Variants in CNTN5 observed in about 807,000 individuals in gnomAD.
The protein encoded by CNTN5 is contactin 5.
In CNTN5, 77 loss-of-function variants were observed where a neutral mutation model predicts 129.1. The ratio of observed to expected loss-of-function variants is 0.60; its 90% CI spans 0.50 to 0.72. The LOEUF (loss-of-function observed/expected upper bound fraction) is 0.72. CNTN5 is among the 30% of genes least tolerant of loss of function. The pLI is 0.00. For missense variants in CNTN5, 1,478 were observed against 1,328.8 expected (o/e 1.11, Z -1.75); for synonymous variants, 509 against 465.6 (o/e 1.09, Z -1.20).
chr11:99,442,555 T>C (rs574997939), intron 2 of CNTN5, among the ~76,000 whole-genome samples: 1 of 152,340 alleles, frequency 6.6e-6, no homozygotes, highest in African/African-American at 2.4e-5. Flanking sequence ...CTAGTGTTTT[T>C]CTATCAGCGT....
chr11:99,132,265 G>A (rs1271064481), intron 1 of CNTN5, among the ~76,000 whole-genome samples: 1 of 150,804 alleles, frequency 6.6e-6, no homozygotes, highest in African/African-American at 2.4e-5. Context: ...CTCAAAACAA[G>A]AGCCATTTAT....
chr11:99,045,330 G>A (rs1591098698), intron 1 of CNTN5, among the ~76,000 whole-genome samples: 1 of 152,150 alleles, frequency 6.6e-6, no homozygotes, highest in African/African-American at 2.4e-5. Context: ...TTGACTGCAT[G>A]CCTGATAGCA....
At chr11:99,766,905 T>G (rs1944775442) in intron 3 of CNTN5, among the ~76,000 whole-genome samples, 2 of 152,236 alleles carry the variant, frequency 1.3e-5, no homozygotes, top group South Asian at 4.1e-4. Flanking sequence ...GATATCAGCT[T>G]TAAAAAAGAC....
At chr11:99,661,339 A>G (rs1442719358) in intron 3 of CNTN5, among the ~76,000 whole-genome samples, 1 of 152,190 alleles carries the variant, frequency 6.6e-6, no homozygotes, top group Non-Finnish European at 1.5e-5. Context: ...TAAAATAAGA[A>G]CTTAGCGAAG....
chr11:99,835,453 G>A (rs1431484247), intron 4 of CNTN5, among the ~76,000 whole-genome samples: 4 of 152,068 alleles, frequency 2.6e-5, no homozygotes, highest in African/African-American at 9.7e-5. Context: ...AGGCAATAGG[G>A]AAAAGGCAAA....
intron 13 of CNTN5, among the ~76,000 whole-genome samples, chr11:100,104,810 T>G (rs1945362541): frequency 1.3e-5 from 2 of 152,302 alleles, no homozygotes; most frequent in East Asian, 3.9e-4. Context: ...CTTACTGTAC[T>G]ATTCCCTTTT....
intron 15 of CNTN5, among the ~76,000 whole-genome samples, chr11:100,222,377 T>A (rs1300788157): frequency 1.3e-5 from 2 of 152,170 alleles, no homozygotes; most frequent in African/African-American, 4.8e-5. Flanking sequence ...TTGGACATTT[T>A]TGTAATTTTA....
At chr11:99,622,228 T>C (rs1188693908) in intron 3 of CNTN5, among the ~76,000 whole-genome samples, 1 of 152,182 alleles carries the variant, frequency 6.6e-6, no homozygotes, top group Non-Finnish European at 1.5e-5. Context: ...GTTCCCCTAA[T>C]TTTGTTGTAT....
chr11:100,324,664 G>T (rs901317516), intron 21 of CNTN5, among the ~76,000 whole-genome samples: 5 of 152,052 alleles, frequency 3.3e-5, no homozygotes, highest in Non-Finnish European at 7.4e-5. Flanking sequence ...AACTACATGT[G>T]TTAGGAAAAT....
chr11:100,285,954 G>A (rs971687738), intron 18 of CNTN5, among the ~76,000 whole-genome samples: 10 of 152,230 alleles, frequency 6.6e-5, no homozygotes, highest in Non-Finnish European at 1.5e-4. Context: ...GAAGCGCAAG[G>A]GGTCAGGGAG....
chr11:99,626,575 G>C (rs1180701728), intron 3 of CNTN5, among the ~76,000 whole-genome samples: 1 of 152,146 alleles, frequency 6.6e-6, no homozygotes, highest in Non-Finnish European at 1.5e-5. Flanking sequence ...CACTGCTAGA[G>C]ATTGCAGTGC....
intron 3 of CNTN5, among the ~76,000 whole-genome samples, chr11:99,764,126 T>A (rs551959744): frequency 1.1e-4 from 16 of 152,232 alleles, no homozygotes; most frequent in Non-Finnish European, 2.1e-4. Context: ...TATATGATTT[T>A]AAAAATTATA....
intron 1 of CNTN5, among the ~76,000 whole-genome samples, chr11:99,084,667 G>A (rs765486705): frequency 2.6e-5 from 4 of 151,866 alleles, no homozygotes; most frequent in Non-Finnish European, 5.9e-5. Context: ...AACTGTCTCA[G>A]ACAATTTTTC....
At chr11:99,307,232 A>C (rs1478932072) in intron 1 of CNTN5, among the ~76,000 whole-genome samples, 4 of 152,214 alleles carry the variant, frequency 2.6e-5, no homozygotes, top group Non-Finnish European at 4.4e-5. Context: ...ACTAGAACTA[A>C]GGATTAATTC....
At chr11:99,415,783 C>A (rs1226614156) in intron 2 of CNTN5, among the ~76,000 whole-genome samples, 1 of 152,134 alleles carries the variant, frequency 6.6e-6, no homozygotes, top group Admixed American at 6.6e-5. Flanking sequence ...GTCGTGCAAT[C>A]ATTCCTTTCC....
chr11:99,653,294 AG>A (rs1355963522), intron 3 of CNTN5, among the ~76,000 whole-genome samples: 3 of 152,032 alleles, frequency 2.0e-5, no homozygotes, highest in Non-Finnish European at 4.4e-5. Context: ...ATTTAGGGCA[AG>A]ACATTTTTTT....
chr11:99,188,844 T>C (rs1858486169), intron 1 of CNTN5, among the ~76,000 whole-genome samples: 1 of 151,834 alleles, frequency 6.6e-6, no homozygotes, highest in South Asian at 2.1e-4. Context: ...GACATACTTC[T>C]ATTTCTACAT....
chr11:99,300,861 T>G (rs965521832), intron 1 of CNTN5, among the ~76,000 whole-genome samples: 3 of 151,972 alleles, frequency 2.0e-5, no homozygotes, highest in Non-Finnish European at 4.4e-5. Flanking sequence ...AACATGATGC[T>G]TTCATCTTCC....
intron 2 of CNTN5, among the ~76,000 whole-genome samples, chr11:99,508,540 A>G (rs1357284331): frequency 6.6e-6 from 1 of 152,168 alleles, no homozygotes; most frequent in Non-Finnish European, 1.5e-5. Flanking sequence ...TTGTATCCAC[A>G]GGGTTTGCGG....
Sources: allele counts gnomAD v4.1 joint callset (sites outside exome capture counted in the v4.1 genomes callset), GRCh38; gene constraint gnomAD v4.1.1; transcripts MANE v1.5; gene names NCBI Gene and HGNC (gene_info 2026-07-23, HGNC 2026-07-21).